Variants in NSUN2 observed in about 807,000 individuals in gnomAD.
NSUN2 encodes the protein RNA cytosine C(5)-methyltransferase NSUN2.
NSUN2 carries 63 observed loss-of-function variants against 92.7 expected under a neutral mutation model. The ratio of observed to expected loss-of-function variants is 0.68; its 90% CI spans 0.56 to 0.84. The LOEUF (loss-of-function observed/expected upper bound fraction) is 0.84. NSUN2 is among the 40% of genes least tolerant of loss of function. The probability of loss-of-function intolerance (pLI) is 0.00; values close to 1 mark genes in which losing one functional copy is unlikely to be tolerated. For synonymous variants in NSUN2, 356 were observed against 348.3 expected (o/e 1.02, Z -0.25); for missense variants, 989 against 964.9 (o/e 1.02, Z -0.33).
intron 4 of NSUN2, among the ~76,000 whole-genome samples, chr5:6,623,759 A>G (rs921691707): frequency 2.0e-5 from 3 of 152,166 alleles, no homozygotes; most frequent in African/African-American, 4.8e-5. Flanking sequence ...TCTATTTCTC[A>G]TAACTACCTT....
intron 9 of NSUN2, 86 bp from the exon 10 acceptor site, chr5:6,611,884 C>G: frequency 1.8e-6 from 2 of 1,127,466 alleles, no homozygotes; most frequent in Non-Finnish European, 2.6e-6. Context: ...ACACAGATCA[C>G]ATATTATATG....
At position 6,599,984 on chromosome 5, in the gene NSUN2, G is replaced by A. The variant is rs1459832326; in HGVS notation, c.2246C>T (p.Ala749Val). 2 of 1,614,074 alleles carry A rather than the reference G, an allele frequency of 1.2e-6. No individual in the cohort carries two copies. The highest frequency in any genetic ancestry group is 2.2e-5 in the East Asian group (1 of 44,898). ...GCCTGCTGTCACGTCTGGACTGTTG[G>A]CCTCTTCTGCATCTGGGCTGTTGGG... ...GEPNSPDAEE[A>V]NSPDVTAGCD... Residue 749 changes from alanine to valine, a missense_variant, in exon 19 of 19, where the codon GCC becomes GTC. Coordinates refer to ENST00000264670, the MANE Select transcript of NSUN2 (RefSeq NM_017755.6).
chr5:6,632,241 G>A (rs1307887900), intron 2 of NSUN2, among the ~76,000 whole-genome samples: 1 of 152,108 alleles, frequency 6.6e-6, no homozygotes, highest in Non-Finnish European at 1.5e-5. Flanking sequence ...TTAGAAAGAT[G>A]TAACTACAAA....
intron 3 of NSUN2, among the ~76,000 whole-genome samples, chr5:6,628,979 A>G (rs1737764478): frequency 6.6e-6 from 1 of 152,246 alleles, no homozygotes; most frequent in Admixed American, 6.5e-5. Flanking sequence ...TAGGAGGTCA[A>G]GGCTGCAGTG....
At position 6,632,714 on chromosome 5, in the gene NSUN2, G is replaced by C; in HGVS notation, c.139C>G (p.Leu47Val). 1 of 1,614,138 alleles carries C rather than the reference G, an allele frequency of 6.2e-7. No individual in the cohort carries two copies. Residue 47 changes from leucine (L) to valine (V), a missense_variant, in exon 2 of 19, where the codon CTG becomes GTG. Transcript: ENST00000264670. ...GYPEIVKENK[L>V]FEHYYQELKI... ...AGCTCCTGGTAGTAGTGCTCGAACAGCTTGTTCTCCTTGACGATCTCGGGG... is the reference window on the plus strand; with the variant it reads ...AGCTCCTGGTAGTAGTGCTCGAACACCTTGTTCTCCTTGACGATCTCGGGG...
At chr5:6,614,033 T>C (rs1292849250) in intron 9 of NSUN2, among the ~76,000 whole-genome samples, 3 of 139,070 alleles carry the variant, frequency 2.2e-5, no homozygotes, top group East Asian at 2.1e-4. Flanking sequence ...GAGATGGAGG[T>C]TGCAGTGAGC....
Position 6,632,722 on chromosome 5 carries a change from T to A in NSUN2, c.131A>T (p.Glu44Val). The A allele has an allele frequency of 6.2e-7, 1 of 1,613,896 alleles. No individual in the cohort carries two copies. Among genetic ancestry groups the A allele is most frequent in the Non-Finnish European group, 8.5e-7 (1 of 1,179,908 alleles). ...GTAGTAGTGCTCGAACAGCTTGTTC[T>A]CCTTGACGATCTCGGGGTAGCCTCC... Reference protein sequence around the residue: ...WEGGYPEIVKENKLFEHYYQE... With the variant: ...WEGGYPEIVKVNKLFEHYYQE... The change falls in exon 2 of 19, where the codon GAG becomes GTG. Residue 44 changes from glutamate (E) to valine (V), a missense_variant. Around this residue, in one of 3 missense-constraint regions of NSUN2, gnomAD observed 356 missense variants for 338.6 expected, o/e 1.05. Coordinates refer to ENST00000264670, the MANE Select transcript of NSUN2 (RefSeq NM_017755.6).
chr5:6,620,418 C>G, intron 6 of NSUN2, 120 bp from the exon 7 acceptor site: 1 of 722,708 alleles, frequency 1.4e-6, no homozygotes, highest in East Asian at 2.9e-5. Context: ...TTAAGACCCA[C>G]AGTCAAGGTT....
chr5:6,632,718 G>C lies in NSUN2; in HGVS notation c.135C>G (p.Asn45Lys). ...CCTGGTAGTAGTGCTCGAACAGCTT[G>C]TTCTCCTTGACGATCTCGGGGTAGC... ...EGGYPEIVKE[N>K]KLFEHYYQEL... The change falls in exon 2 of 19, where the codon AAC (asparagine) becomes AAG (lysine). Residue 45 changes from asparagine (N) to lysine (K), a missense_variant. This residue lies in a region of NSUN2 where 356 missense variants were observed against 338.6 expected (regional missense o/e 1.05). Coordinates refer to ENST00000264670, the MANE Select transcript of NSUN2 (RefSeq NM_017755.6). 6.2e-7 allele frequency: 1 copy of C among 1,614,084 alleles called. No homozygotes were observed. The highest frequency in any genetic ancestry group is 8.5e-7 in the Non-Finnish European group (1 of 1,179,986).
intron 12 of NSUN2, among the ~76,000 whole-genome samples, chr5:6,608,530 T>C (rs1479251692): frequency 6.6e-6 from 1 of 152,182 alleles, no homozygotes; most frequent in Non-Finnish European, 1.5e-5. Flanking sequence ...GAAACTGACA[T>C]AGTAACAGAA....
At chr5:6,624,840 T>G (rs1271084942) in intron 4 of NSUN2, among the ~76,000 whole-genome samples, 1 of 152,182 alleles carries the variant, frequency 6.6e-6, no homozygotes, top group Non-Finnish European at 1.5e-5. Context: ...CCTCTGATTT[T>G]AAATGTGAGA....
At position 6,616,751 on chromosome 5, in the gene NSUN2, C is replaced by T. The variant is rs564938323; in HGVS notation, c.997G>A (p.Ala333Thr). The T allele has an allele frequency of 2.2e-4, 334 of 1,488,672 alleles. 3 individuals are homozygous for T. The South Asian group carries it at 3.7e-3, about 16-fold the overall frequency. The allele number at this position is 1,488,672 out of a possible 1,614,324, so 92.2% of individuals were successfully genotyped here. The change falls in exon 9 of 19, where the codon GCA becomes ACA. Residue 333 changes from alanine to threonine, a missense_variant. Coordinates refer to ENST00000264670, the MANE Select transcript of NSUN2 (RefSeq NM_017755.6). ...LNPIEDEAVI[A>T]SLLEKSEGAL... is the part of the protein sequence containing the mutation. ...CCTTCACTTTTTTCCAGTAAAGATG[C>T]TATGACTGCTTCATCCTCAATAGGG...
Position 6,603,941 on chromosome 5 carries a change from C to T in NSUN2, c.1957+197G>A, listed in dbSNP as rs548191390. 7.4e-6 allele frequency: 4 copies of T among 538,720 alleles called. No individual in the cohort carries two copies. The Admixed American group carries it at 1.4e-4, about 18-fold the overall frequency. The allele number at this position is 538,720 out of a possible 1,614,324, so 33.4% of individuals were successfully genotyped here. ...CACCACCAGAGCCTGGGGAAGTACACCAACCCCAAGATGCCTTTGACCCTT... is the reference window on the plus strand; with the variant it reads ...CACCACCAGAGCCTGGGGAAGTACATCAACCCCAAGATGCCTTTGACCCTT... On this transcript the variant is annotated intron_variant, in intron 17 of 18. Transcript: ENST00000264670.
At position 6,611,176 on chromosome 5, in the gene NSUN2, A is replaced by T. The variant is rs1736974568; in HGVS notation, c.1096-91T>A. The stretch of plus-strand genomic sequence containing the variant: ...AGGAGTATCCATTCTCTCAAAGGTG[A>T]CAAATGGTGATTCTCATTCACTCCA... On this transcript the variant is annotated intron_variant, in intron 10 of 18. Transcript: ENST00000264670. 7 of 1,396,146 alleles carry T rather than the reference A, an allele frequency of 5.0e-6. No individual in the cohort carries two copies. The Admixed American group carries it at 9.0e-5, about 18-fold the overall frequency. 86.5% of individuals were successfully genotyped at this position (1,396,146 alleles called of 1,614,324 possible).
At chr5:6,606,514 T>C (rs1039341213) in intron 14 of NSUN2, among the ~76,000 whole-genome samples, 18 of 152,140 alleles carry the variant, frequency 1.2e-4, no homozygotes, top group Non-Finnish European at 2.4e-4. Flanking sequence ...CTCAATCTCC[T>C]GACCTCGTGC....
At position 6,616,668 on chromosome 5, in the gene NSUN2, C is replaced by T. The variant is rs1737223249; in HGVS notation, c.1021+59G>A. 4.0e-5 allele frequency: 7 copies of T among 173,110 alleles called. 3 individuals are homozygous for T. The South Asian group carries it at 4.2e-4, about 10-fold the overall frequency. 10.7% of individuals were successfully genotyped at this position (173,110 alleles called of 1,614,324 possible). On this transcript the variant is annotated intron_variant, in intron 9 of 18. Coordinates refer to ENST00000264670, the MANE Select transcript of NSUN2 (RefSeq NM_017755.6). ...TAAACCTCACGTTATGTGTATTGTACCATACACATATGAAAAGCCCCCTAT... is the reference window on the plus strand; with the variant it reads ...TAAACCTCACGTTATGTGTATTGTATCATACACATATGAAAAGCCCCCTAT...
chr5:6,609,702 A>G, intron 12 of NSUN2, 124 bp downstream of exon 12: 1 of 711,950 alleles, frequency 1.4e-6, no homozygotes, highest in Non-Finnish European at 2.4e-6. Context: ...ATTCAGGGTC[A>G]GCTCTCCTGC....
chr5:6,604,906 A>C, intron 15 of NSUN2: 2 of 606,906 alleles, frequency 3.3e-6, no homozygotes, highest in South Asian at 4.1e-5. Context: ...CCAAATGGCC[A>C]AATTCTAAGG....
chr5:6,631,823 G>C lies in NSUN2; in HGVS notation c.359+50C>G, dbSNP rs8192118. The C allele has an allele frequency of 2.7e-3, 3,491 of 1,292,494 alleles. 74 individuals are homozygous for C. In the African/African-American group the frequency reaches 0.045, roughly 16 times the overall value. 80.1% of individuals were successfully genotyped at this position (1,292,494 alleles called of 1,614,324 possible). On this transcript the variant is annotated intron_variant, in intron 3 of 18. Transcript: ENST00000264670. Reference sequence around the variant, plus strand: ...ACCAAGAAATATAATTCAAGTGATAGAGATTAATATCCCAAATAAATATTC... The same window carrying C: ...ACCAAGAAATATAATTCAAGTGATACAGATTAATATCCCAAATAAATATTC...
Sources: allele counts gnomAD v4.1 joint callset (sites outside exome capture counted in the v4.1 genomes callset), GRCh38; gene constraint gnomAD v4.1.1; regional missense constraint gnomAD v4.1.1; transcripts MANE v1.5; gene names NCBI Gene and HGNC (gene_info 2026-07-23, HGNC 2026-07-21).